TMCC3: variants seen among roughly 807,000 people sequenced by gnomAD.
The protein encoded by TMCC3 is transmembrane and coiled-coil domain family 3, also known as transmembrane and coiled-coil domain protein 3.
Under a neutral mutation model 40.2 loss-of-function variants are expected in TMCC3, and 28 were observed. That is an observed-to-expected ratio of 0.70 (90% CI 0.52 to 0.95). TMCC3 has a LOEUF of 0.95. TMCC3 is among the 40% of genes least tolerant of loss of function. The pLI, the probability that TMCC3 is intolerant of heterozygous loss-of-function variation, is 0.00. For missense variants in TMCC3, 554 were observed against 615.2 expected, an observed-to-expected ratio of 0.90 and a Z score of 1.05; for synonymous variants, 255 against 248.5, an observed-to-expected ratio of 1.03 and a Z score of -0.25.
rs1426430831 is a variant in TMCC3, at chr12:94,570,301, TTAGAGGC to T, written c.*1127_*1133del. The T allele has an allele frequency of 6.6e-6, 1 of 152,210 alleles. No homozygotes were observed. Among genetic ancestry groups the T allele is most frequent in the Non-Finnish European group, 1.5e-5 (1 of 68,034 alleles). The allele number at this position is 152,210 out of a possible 1,614,324, so 9.4% of individuals were successfully genotyped here. On this transcript the variant is annotated 3_prime_UTR_variant, in exon 4 of 4. Coordinates refer to ENST00000261226, the MANE Select transcript of TMCC3 (RefSeq NM_020698.4). ...TCCGACACCTCAGTGCACTTGAACT[TTAGAGGC>T]TATGGTTCGGTTGTCCTTCAAGGAA...
At chr12:94,613,901 T>G (rs1175704276) in intron 1 of TMCC3, 3 of 152,092 alleles carry the variant, frequency 2.0e-5, no homozygotes, top group Non-Finnish European at 4.4e-5. Context: ...GAGACCATCC[T>G]GGCTGACACG....
At chr12:94,600,357 G>C (rs1213874267) in intron 1 of TMCC3, among the ~76,000 whole-genome samples, 2 of 149,464 alleles carry the variant, frequency 1.3e-5, no homozygotes, top group Non-Finnish European at 3.0e-5. Context: ...CCTATAGCAA[G>C]GGCAACAGTT....
intron 3 of TMCC3, among the ~76,000 whole-genome samples, chr12:94,576,653 A>G (rs2068566869): frequency 6.6e-6 from 1 of 152,024 alleles, no homozygotes; most frequent in Admixed American, 6.6e-5. Context: ...TTTAAAAAAA[A>G]GTTGTTTTTA....
Position 94,571,196 on chromosome 12 carries a change from G to T in TMCC3, c.*239C>A, listed in dbSNP as rs990000210. The T allele has an allele frequency of 1.9e-6, 1 of 528,516 alleles. No homozygotes were observed. Among genetic ancestry groups the T allele is most frequent in the African/African-American group, 1.9e-5 (1 of 52,702 alleles). 32.7% of individuals were successfully genotyped at this position (528,516 alleles called of 1,614,324 possible). On this transcript the variant is annotated 3_prime_UTR_variant, in exon 4 of 4. Transcript: ENST00000261226. ...GGCTGGTCAGGTGGGCAGGAAATCG[G>T]TCTGATTAAGGCAGTGAGCAAGGTA...
At chr12:94,635,539 T>A (rs915075950) in intron 1 of TMCC3, among the ~76,000 whole-genome samples, 1 of 152,192 alleles carries the variant, frequency 6.6e-6, no homozygotes, top group East Asian at 1.9e-4. Context: ...CAAAAGAGAA[T>A]TAAAAGCAAA....
intron 2 of TMCC3, among the ~76,000 whole-genome samples, chr12:94,579,294 G>A (rs2068586249): frequency 6.6e-6 from 1 of 152,156 alleles, no homozygotes; most frequent in African/African-American, 2.4e-5. Context: ...ATCACCTGGG[G>A]TCAGGAGTTC....
intron 1 of TMCC3, among the ~76,000 whole-genome samples, chr12:94,611,423 A>G (rs1566327811): frequency 2.0e-5 from 3 of 152,186 alleles, no homozygotes; most frequent in Admixed American, 6.5e-5. Flanking sequence ...AAATATTTCT[A>G]CTGAGAACTG....
At chr12:94,613,770 T>A (rs187746983) in intron 1 of TMCC3, 2 of 152,156 alleles carry the variant, frequency 1.3e-5, no homozygotes, top group Admixed American at 1.3e-4. Flanking sequence ...CTTCTTTGTA[T>A]GATATTAGTT....
chr12:94,636,211 T>C (rs149925005), intron 1 of TMCC3, among the ~76,000 whole-genome samples: 29 of 152,334 alleles, frequency 1.9e-4, no homozygotes, highest in African/African-American at 5.3e-4. Context: ...TGAAAAGGAA[T>C]TGAATAATTC....
chr12:94,629,677 G>A (rs1344857228), intron 1 of TMCC3, among the ~76,000 whole-genome samples: 1 of 152,190 alleles, frequency 6.6e-6, no homozygotes, highest in Non-Finnish European at 1.5e-5. Context: ...TGAGGTATGA[G>A]CTCGGGACAC....
intron 1 of TMCC3, chr12:94,616,202 A>G: frequency 1.7e-6 from 1 of 586,640 alleles, no homozygotes; most frequent in Non-Finnish European, 2.1e-6. Context: ...TTGTGCAGTC[A>G]GCAGAAGAGA....
At position 94,569,216 on chromosome 12, in the gene TMCC3, C is replaced by T. The variant is rs2068512020; in HGVS notation, c.*2219G>A. The T allele has an allele frequency of 6.6e-6, 1 of 152,294 alleles. No individual in the cohort carries two copies. The highest frequency in any genetic ancestry group is 6.5e-5 in the Admixed American group (1 of 15,286). 9.4% of individuals were successfully genotyped at this position (152,294 alleles called of 1,614,324 possible). A position where few individuals can be genotyped will look rare whatever the true frequency, so the allele number is the denominator to read the frequency against. On this transcript the variant is annotated 3_prime_UTR_variant, in exon 4 of 4. Transcript: ENST00000261226. The stretch of plus-strand genomic sequence containing the variant: ...GGTGCTTGGAAAGATTCACAGATAC[C>T]AAGAGGGGCCCACCCAGGCCCCAGC...
intron 1 of TMCC3, among the ~76,000 whole-genome samples, chr12:94,590,233 A>G (rs2068664856): frequency 2.1e-5 from 3 of 142,888 alleles, no homozygotes; most frequent in African/African-American, 8.0e-5. Context: ...AGCTGGGATT[A>G]CAGGTGAGTG....
Position 94,650,354 on chromosome 12 carries a change from C to G in TMCC3, c.77G>C (p.Arg26Pro). ...CGCCCCCCAGCCCGCTGCGCTCACC[C>G]GGCTCTTGCAGCGGTGGTGCCGGCC... ...YPGRHHRCKS[R>P]VERHDMNTLS... The change falls in exon 1 of 4, where the codon CGG (arginine) becomes CCG (proline). Residue 26 changes from arginine (R) to proline (P), a missense_variant and splice_region_variant. Physicochemically the swap from Arg to Pro is moderately radical, Grantham distance 103. Coordinates refer to ENST00000261226, the MANE Select transcript of TMCC3 (RefSeq NM_020698.4). 3.0e-6 allele frequency: 4 copies of G among 1,321,056 alleles called. No individual in the cohort carries two copies. Among genetic ancestry groups the G allele is most frequent in the Non-Finnish European group, 3.9e-6 (4 of 1,030,210 alleles). 81.8% of individuals were successfully genotyped at this position (1,321,056 alleles called of 1,614,324 possible).
At position 94,582,439 on chromosome 12, in the gene TMCC3, C is replaced by T. The variant is rs765186994; in HGVS notation, c.178G>A (p.Asp60Asn). The T allele has an allele frequency of 1.9e-6, 3 of 1,613,806 alleles. No homozygotes were observed. Among genetic ancestry groups the T allele is most frequent in the Non-Finnish European group, 2.5e-6 (3 of 1,180,010 alleles). The change falls in exon 2 of 4, where the codon GAC (aspartate) becomes AAC (asparagine). Residue 60 changes from aspartate to asparagine, a missense_variant. By Grantham distance (23) the Asp-to-Asn change is conservative. Coordinates refer to ENST00000261226, the MANE Select transcript of TMCC3 (RefSeq NM_020698.4). ...GCAGTGAGTTTGACCTTGTGGAAGTCCAGGATGCCATCCGGGACATCAAAG... is the reference window on the plus strand; with the variant it reads ...GCAGTGAGTTTGACCTTGTGGAAGTTCAGGATGCCATCCGGGACATCAAAG... Reference protein sequence around the residue: ...LNFDVPDGILDFHKVKLTADS... With the variant: ...LNFDVPDGILNFHKVKLTADS...
chr12:94,613,260 C>T (rs1378241484), intron 1 of TMCC3, among the ~76,000 whole-genome samples: 2 of 151,734 alleles, frequency 1.3e-5, no homozygotes, highest in South Asian at 2.1e-4. Context: ...GCCCAGAGTT[C>T]GAGATCAACA....
intron 1 of TMCC3, among the ~76,000 whole-genome samples, chr12:94,633,603 T>C (rs572962368): frequency 6.5e-4 from 99 of 152,198 alleles, no homozygotes; most frequent in Non-Finnish European, 1.1e-3. Context: ...TTCATTACCT[T>C]ATAATTTTGG....
In TMCC3 at chr12:94,571,432, G is replaced by A; in HGVS notation, c.*3C>T. 6.2e-7 allele frequency: 1 copy of A among 1,608,370 alleles called. No individual in the cohort carries two copies. Among genetic ancestry groups the A allele is most frequent in the South Asian group, 1.1e-5 (1 of 90,932 alleles). On this transcript the variant is annotated 3_prime_UTR_variant, in exon 4 of 4. Coordinates refer to ENST00000261226, the MANE Select transcript of TMCC3 (RefSeq NM_020698.4). ...AAGAACTTGAAGGCAGGAACCAGTG[G>A]CTTCATCTTGGTATTATCATCCTTT...
At chr12:94,597,143 ATATATATATATATATG>A (rs1267544955) in intron 1 of TMCC3, among the ~76,000 whole-genome samples, 365 of 15,896 alleles carry the variant, frequency 0.023, 16 homozygotes, top group African/African-American at 0.045. Flanking sequence ...ATATATATAT[ATATATATATATATATG>A]TATATAAATT....
Sources: allele counts gnomAD v4.1 joint callset (sites outside exome capture counted in the v4.1 genomes callset), GRCh38; gene constraint gnomAD v4.1.1; transcripts MANE v1.5; gene names NCBI Gene and HGNC (gene_info 2026-07-23, HGNC 2026-07-21).